Variants in IL1RAPL2 observed in about 807,000 individuals in gnomAD.
The protein encoded by IL1RAPL2 is interleukin 1 receptor accessory protein like 2.
In IL1RAPL2, 3 loss-of-function variants were observed where a neutral mutation model predicts 44.1. That is an observed-to-expected ratio of 0.07 (90% CI 0.03 to 0.18). IL1RAPL2 has a LOEUF of 0.18. Among genes scored for constraint, IL1RAPL2 ranks in the 10% least tolerant of loss-of-function variants. IL1RAPL2 has a pLI of 1.00. For missense variants in IL1RAPL2, 391 were observed against 496.4 expected, an observed-to-expected ratio of 0.79 and a Z score of 2.02; for synonymous variants, 181 against 178.8, an observed-to-expected ratio of 1.01 and a Z score of -0.10.
At chrX:105,627,583 A>G (rs1043841503) in intron 6 of IL1RAPL2, among the ~76,000 whole-genome samples, 2 of 111,889 alleles carry the variant, frequency 1.8e-5, no homozygotes, top group Non-Finnish European at 3.8e-5. Flanking sequence ...ACCCTACCTC[A>G]TCTACTTCAT....
rs759913261 is a variant in IL1RAPL2, at chrX:105,663,404, T to A, written c.773-53963T>A. Reference sequence around the variant, plus strand: ...GTGCCATTCCCAGTTGAGAGAAATGTAAACAAATATAAATATGCAGTATCA... The same window carrying A: ...GTGCCATTCCCAGTTGAGAGAAATGAAAACAAATATAAATATGCAGTATCA... On this transcript the variant is annotated intron_variant, in intron 6 of 10. Coordinates refer to ENST00000372582, the MANE Select transcript of IL1RAPL2 (RefSeq NM_017416.2). 5.4e-5 allele frequency among the ~76,000 whole-genome samples: 6 copies of A among 111,994 alleles called. No homozygotes were observed. In the Admixed American group the frequency reaches 5.7e-4, roughly 11 times the overall value.
At chrX:105,747,512 G>A (rs1282322633) in intron 8 of IL1RAPL2, among the ~76,000 whole-genome samples, 26 of 54,196 alleles carry the variant, frequency 4.8e-4, no homozygotes, top group African/African-American at 1.4e-3. Flanking sequence ...GTGTGTGTGT[G>A]TGTGTATATA....
At position 104,963,942 on chromosome X, in the gene IL1RAPL2, A is replaced by T. The variant is rs926132098; in HGVS notation, c.83-231533A>T. On this transcript the variant is annotated intron_variant, in intron 2 of 10. Coordinates refer to ENST00000372582, the MANE Select transcript of IL1RAPL2 (RefSeq NM_017416.2). ...GCGTGTGTGTGTGTGTGTGAGAGAG[A>T]GAGAGAGAGAGAGAGAGGGAGATAG... is the stretch of plus-strand genomic sequence containing the variant. 3.5e-3 allele frequency among the ~76,000 whole-genome samples: 378 copies of T among 107,433 alleles called. 1 individual carries two copies. The highest frequency in any genetic ancestry group is 0.011 in the African/African-American group (329 of 29,599). 93.3% of individuals were successfully genotyped at this position (107,433 alleles called of 115,157 possible).
At chrX:105,697,371 C>T in intron 6 of IL1RAPL2, among the ~76,000 whole-genome samples, 1 of 109,899 alleles carries the variant, frequency 9.1e-6, no homozygotes, top group Non-Finnish European at 1.9e-5. Flanking sequence ...TATTAAATGC[C>T]AATCCTGAGG....
rs183666897 is a variant in IL1RAPL2, at chrX:105,460,185, C to T, written c.698-24128C>T. Among the ~76,000 whole-genome samples, 117 of 111,120 alleles carry T rather than the reference C, an allele frequency of 1.1e-3. 1 individual carries two copies. The highest frequency in any genetic ancestry group is 3.0e-3 in the African/African-American group (93 of 30,713). ...AATAAATGGACAAGCAGGCGACTCACCTCTTTACAAGGCTCTCCATGTGAC... is the reference window on the plus strand; with the variant it reads ...AATAAATGGACAAGCAGGCGACTCATCTCTTTACAAGGCTCTCCATGTGAC... On this transcript the variant is annotated intron_variant, in intron 5 of 10. Coordinates refer to ENST00000372582, the MANE Select transcript of IL1RAPL2 (RefSeq NM_017416.2).
At chrX:105,649,692 G>C (rs112245920) in intron 6 of IL1RAPL2, among the ~76,000 whole-genome samples, 1 of 111,472 alleles carries the variant, frequency 9.0e-6, no homozygotes, top group Non-Finnish European at 1.9e-5. Context: ...CCTGTGGGTA[G>C]AAATGGAAAT....
intron 6 of IL1RAPL2, among the ~76,000 whole-genome samples, chrX:105,698,524 T>C (rs1298664592): frequency 9.0e-6 from 1 of 111,625 alleles, no homozygotes; most frequent in Non-Finnish European, 1.9e-5. Context: ...CCTCTGTATA[T>C]AGTTAGATTA....
intron 1 of IL1RAPL2, among the ~76,000 whole-genome samples, chrX:104,591,303 C>T (rs1219649035): frequency 9.0e-6 from 1 of 110,974 alleles, no homozygotes; most frequent in East Asian, 2.8e-4. Context: ...CCCCACTCCC[C>T]ACTCCCATAA....
chrX:104,855,348 A>T (rs1374031020), intron 2 of IL1RAPL2, among the ~76,000 whole-genome samples: 1 of 111,358 alleles, frequency 9.0e-6, no homozygotes, highest in East Asian at 2.8e-4. Context: ...TGAGCTAGGG[A>T]TCAAGAACAT....
intron 1 of IL1RAPL2, among the ~76,000 whole-genome samples, chrX:104,636,597 G>A (rs1192435749): frequency 3.6e-5 from 4 of 111,661 alleles, no homozygotes; most frequent in Non-Finnish European, 7.5e-5. Context: ...TCAGACTGGT[G>A]TTCTAGCAGT....
At chrX:105,752,796 G>T (rs1478756168) in intron 9 of IL1RAPL2, among the ~76,000 whole-genome samples, 4 of 111,940 alleles carry the variant, frequency 3.6e-5, no homozygotes, top group Non-Finnish European at 7.5e-5. Flanking sequence ...TGTAGCATCC[G>T]TGTCACTGCT....
chrX:104,934,630 T>G (rs992621803), intron 2 of IL1RAPL2, among the ~76,000 whole-genome samples: 1 of 110,509 alleles, frequency 9.0e-6, no homozygotes, highest in Non-Finnish European at 1.9e-5. Flanking sequence ...AAGAAAGAAA[T>G]AAAAACAACT....
intron 4 of IL1RAPL2, among the ~76,000 whole-genome samples, chrX:105,238,847 A>C (rs1307885118): frequency 9.0e-6 from 1 of 111,345 alleles, no homozygotes; most frequent in Non-Finnish European, 1.9e-5. Context: ...TGATGCCCTC[A>C]TGGTCACACA....
chrX:105,165,340 C>T (rs2033363309), intron 2 of IL1RAPL2, among the ~76,000 whole-genome samples: 1 of 111,594 alleles, frequency 9.0e-6, no homozygotes, highest in African/African-American at 3.3e-5. Flanking sequence ...AGCCATGAGC[C>T]CTTTCCATAG....
At chrX:104,643,953 C>T (rs1274559060) in intron 1 of IL1RAPL2, among the ~76,000 whole-genome samples, 1 of 111,273 alleles carries the variant, frequency 9.0e-6, no homozygotes, top group African/African-American at 3.3e-5. Context: ...TACTATAAAA[C>T]CTCAATTAGC....
At chrX:105,432,971 C>T (rs5962283) in intron 5 of IL1RAPL2, among the ~76,000 whole-genome samples, 3,235 of 110,481 alleles carry the variant, frequency 0.029, 125 homozygotes, top group African/African-American at 0.1. Context: ...ATGTTATAGA[C>T]CATGTCTGAG....
chrX:104,909,366 G>C (rs755288019), intron 2 of IL1RAPL2, among the ~76,000 whole-genome samples: 1 of 112,252 alleles, frequency 8.9e-6, no homozygotes, highest in Non-Finnish European at 1.9e-5. Flanking sequence ...TCTCTGTCCA[G>C]CTTTGTTCCG....
At chrX:104,941,147 G>A (rs1297055771) in intron 2 of IL1RAPL2, among the ~76,000 whole-genome samples, 1 of 110,551 alleles carries the variant, frequency 9.0e-6, no homozygotes. Flanking sequence ...ATTGTGAATA[G>A]TGCCGCAATA....
intron 2 of IL1RAPL2, among the ~76,000 whole-genome samples, chrX:104,943,188 A>T (rs765552931): frequency 1.8e-5 from 2 of 111,006 alleles, no homozygotes; most frequent in African/African-American, 6.5e-5. Flanking sequence ...GGCTTTGGTA[A>T]CAGGATGATG....
Sources: gnomAD v4.1 joint callset for allele counts (sites outside exome capture counted in the v4.1 genomes callset) on GRCh38, gnomAD v4.1.1 for gene constraint, MANE v1.5 for transcripts, NCBI Gene and HGNC (gene_info 2026-07-23, HGNC 2026-07-21) for gene names.